TENM2: variants seen among roughly 807,000 people sequenced by gnomAD.
TENM2 encodes the protein teneurin transmembrane protein 2, also known as teneurin-2.
TENM2 carries 52 observed loss-of-function variants against 245.2 expected under a neutral mutation model. The ratio of observed to expected loss-of-function variants is 0.21; its 90% CI spans 0.17 to 0.27. The LOEUF (loss-of-function observed/expected upper bound fraction) is 0.27. Among genes scored for constraint, TENM2 ranks in the 10% least tolerant of loss-of-function variants. TENM2 has a pLI of 1.00. For missense variants in TENM2, 3,046 were observed against 3,666.8 expected (o/e 0.83, Z 4.37); for synonymous variants, 1,363 against 1,438.9 (o/e 0.95, Z 1.19).
rs529202032 is a variant in TENM2, at chr5:167,512,414, T to G, written c.502+136941T>G. Among the ~76,000 whole-genome samples, 374 of 152,266 alleles carry G rather than the reference T, an allele frequency of 2.5e-3. 1 individual carries two copies. The highest frequency in any genetic ancestry group is 8.6e-3 in the African/African-American group (358 of 41,564). On this transcript the variant is annotated intron_variant, in intron 2 of 28. Transcript: ENST00000518659. ...AATAGTTCATTTAAAATTAACACCC[T>G]AACACTGATGCTAAGGTGCATGACA... is the stretch of plus-strand genomic sequence containing the variant.
intron 13 of TENM2, among the ~76,000 whole-genome samples, chr5:168,170,304 G>C (rs181004981): frequency 3.3e-5 from 5 of 152,292 alleles, no homozygotes; most frequent in Admixed American, 1.3e-4. Context: ...AGGAGTTTGA[G>C]ACCAGCCTGG....
At chr5:167,040,740 C>T in the TENM2 span, among the ~76,000 whole-genome samples, 1 of 152,054 alleles carries the variant, frequency 6.6e-6, no homozygotes, top group East Asian at 1.9e-4. Flanking sequence ...ATAATATTTT[C>T]CCCACTTATT....
intron 2 of TENM2, among the ~76,000 whole-genome samples, chr5:167,425,326 A>G (rs1302564956): frequency 6.6e-6 from 1 of 152,032 alleles, no homozygotes; most frequent in African/African-American, 2.4e-5. Context: ...AAGAGCTTGG[A>G]CTCCGAGGTC....
intron 2 of TENM2, among the ~76,000 whole-genome samples, chr5:167,726,936 T>G (rs1034370174): frequency 1.3e-5 from 2 of 152,148 alleles, no homozygotes; most frequent in African/African-American, 4.8e-5. Flanking sequence ...TAGTAATTAA[T>G]TGAAAGAATA....
chr5:167,402,608 T>C (rs1211125809), intron 2 of TENM2, among the ~76,000 whole-genome samples: 2 of 151,782 alleles, frequency 1.3e-5, no homozygotes, highest in Non-Finnish European at 2.9e-5. Flanking sequence ...AGATTCTCTC[T>C]TTCTCCTTCT....
At position 168,122,601 on chromosome 5, in the gene TENM2, C is replaced by T. The variant is rs73387348; in HGVS notation, c.2009-2249C>T. On this transcript the variant is annotated intron_variant, in intron 10 of 28. Transcript: ENST00000518659. ...TTATGTCATCAGGAGTTATACTCCC[C>T]GAGACAATGAATTCAACTGTAAAGT... 5.3e-5 allele frequency among the ~76,000 whole-genome samples: 8 copies of T among 152,106 alleles called. No homozygotes were observed. The East Asian group carries it at 1.4e-3, about 26-fold the overall frequency.
chr5:167,047,865 G>T, the TENM2 span, among the ~76,000 whole-genome samples: 1 of 152,068 alleles, frequency 6.6e-6, no homozygotes, highest in African/African-American at 2.4e-5. Context: ...GGGAACAAGT[G>T]CCCCTTTTGA....
intron 2 of TENM2, among the ~76,000 whole-genome samples, chr5:167,517,819 A>G (rs996993166): frequency 4.6e-5 from 7 of 152,060 alleles, no homozygotes; most frequent in African/African-American, 1.4e-4. Flanking sequence ...TGTCCCCCAA[A>G]TAGAGAATTA....
intron 3 of TENM2, among the ~76,000 whole-genome samples, chr5:167,901,992 G>A (rs1428621570): frequency 6.6e-6 from 1 of 152,218 alleles, no homozygotes; most frequent in Non-Finnish European, 1.5e-5. Context: ...GAGCGAGTCT[G>A]TTTTCCCATA....
chr5:168,141,052 C>A (rs1371389499), intron 12 of TENM2, among the ~76,000 whole-genome samples: 1 of 151,982 alleles, frequency 6.6e-6, no homozygotes, highest in African/African-American at 2.4e-5. Flanking sequence ...TACATAGTCC[C>A]GCTGGGCTAT....
intron 15 of TENM2, among the ~76,000 whole-genome samples, chr5:168,198,096 G>A (rs894249533): frequency 5.9e-5 from 9 of 151,902 alleles, no homozygotes; most frequent in Admixed American, 5.9e-4. Flanking sequence ...TGGCCATGTG[G>A]CTTCTCACCA....
chr5:167,387,129 C>T (rs1761480398), intron 2 of TENM2, among the ~76,000 whole-genome samples: 1 of 152,094 alleles, frequency 6.6e-6, no homozygotes, highest in Non-Finnish European at 1.5e-5. Flanking sequence ...TGATTATACC[C>T]ATCCATGAGC....
chr5:167,062,763 T>C, the TENM2 span, among the ~76,000 whole-genome samples: 1 of 152,136 alleles, frequency 6.6e-6, no homozygotes, highest in Non-Finnish European at 1.5e-5. Context: ...GAAGAAAATA[T>C]AATAGGGTAT....
At chr5:167,508,418 CTTTATAG>C (rs1342763169) in intron 2 of TENM2, among the ~76,000 whole-genome samples, 2 of 152,184 alleles carry the variant, frequency 1.3e-5, no homozygotes, top group Non-Finnish European at 2.9e-5. Context: ...ATTACTTTAA[CTTTATAG>C]TTTAGTTATG....
the TENM2 span, among the ~76,000 whole-genome samples, chr5:166,995,775 A>G: frequency 7.3e-6 from 1 of 136,744 alleles, no homozygotes; most frequent in African/African-American, 2.8e-5. Flanking sequence ...GAGATGCACC[A>G]TTGCACTCCA....
At chr5:167,188,958 G>A in the TENM2 span, among the ~76,000 whole-genome samples, 1 of 152,068 alleles carries the variant, frequency 6.6e-6, no homozygotes, top group Non-Finnish European at 1.5e-5. Flanking sequence ...TGACCCAAAG[G>A]TCCGTGATGT....
chr5:167,089,310 A>G, the TENM2 span, among the ~76,000 whole-genome samples: 1 of 152,240 alleles, frequency 6.6e-6, no homozygotes, highest in African/African-American at 2.4e-5. Flanking sequence ...AGCATATAAC[A>G]CTTAAAAATA....
At chr5:167,491,367 A>G (rs1768417334) in intron 2 of TENM2, among the ~76,000 whole-genome samples, 1 of 152,058 alleles carries the variant, frequency 6.6e-6, no homozygotes, top group African/African-American at 2.4e-5. Flanking sequence ...AGTCAGCCCT[A>G]TGATATCCAG....
intron 5 of TENM2, among the ~76,000 whole-genome samples, chr5:168,024,172 G>T (rs1375838664): frequency 6.6e-6 from 1 of 152,088 alleles, no homozygotes; most frequent in East Asian, 1.9e-4. Context: ...ACTTTTCTTT[G>T]TTGGAATTTG....
Sources: gnomAD v4.1 joint callset for allele counts (sites outside exome capture counted in the v4.1 genomes callset) on GRCh38, gnomAD v4.1.1 for gene constraint, MANE v1.5 for transcripts, NCBI Gene and HGNC (gene_info 2026-07-23, HGNC 2026-07-21) for gene names.